The following KDM2A variants were observed in gnomAD, a reference collection of about 807,000 sequenced individuals.
KDM2A encodes the protein lysine-specific demethylase 2A.
Under a neutral mutation model 137.3 loss-of-function variants are expected in KDM2A, and 3 were observed. That is an observed-to-expected ratio of 0.02 (90% CI 0.01 to 0.06). KDM2A has a LOEUF of 0.06. Ranked by LOEUF, KDM2A falls within the 10% of genes least tolerant of loss-of-function variation. KDM2A has a pLI of 1.00. For missense variants in KDM2A, 738 were observed against 1,510.6 expected (o/e 0.49, Z 8.48); for synonymous variants, 512 against 541.5 (o/e 0.95, Z 0.76).
chr11:67,194,737 A>C (rs760584350), intron 5 of KDM2A, among the ~76,000 whole-genome samples: 9 of 152,344 alleles, frequency 5.9e-5, no homozygotes, highest in Admixed American at 2.6e-4. Context: ...GGATAGATCC[A>C]CAACCTGCTC....
At chr11:67,246,573 T>TA (rs771761236) in intron 15 of KDM2A, among the ~76,000 whole-genome samples, 208 of 146,732 alleles carry the variant, frequency 1.4e-3, no homozygotes, top group Middle Eastern at 3.4e-3. Context: ...TAAATAGCTT[T>TA]AAAAAAAAAA....
chr11:67,156,643 C>A (rs565785452), intron 2 of KDM2A, among the ~76,000 whole-genome samples: 8 of 150,802 alleles, frequency 5.3e-5, no homozygotes, highest in African/African-American at 1.7e-4. Flanking sequence ...GGCGTGAACC[C>A]GGGAGGCTGA....
intron 16 of KDM2A, 46 bp downstream of exon 16, chr11:67,248,416 C>A (rs770883219): frequency 7.6e-6 from 10 of 1,321,494 alleles, no homozygotes; most frequent in Non-Finnish European, 1.1e-5. Flanking sequence ...AAGGAGGCAT[C>A]AAATGTGGGG....
chr11:67,250,658 C>G lies in KDM2A; in HGVS notation c.2628C>G (p.Ala876=), dbSNP rs752658983. 6 of 1,607,802 alleles carry G rather than the reference C, an allele frequency of 3.7e-6. No homozygotes were observed. The East Asian group carries it at 1.3e-4, about 36-fold the overall frequency. The part of the protein sequence containing the change: ...EDDSAEEGGA[A]RLNGRGSWAQ... ...ACAGTGCAGAGGAGGGGGGTGCAGC[C>G]AGGCTGAATGGCCGGGGCAGTTGGG... Residue 876 remains alanine, a synonymous_variant, in exon 17 of 21, where the codon GCC becomes GCG. Transcript: ENST00000529006. The surrounding 1 kb of genome is among the most constrained non-coding windows in gnomAD (Gnocchi z 7.1).
At chr11:67,202,492 G>T (rs896529102) in intron 5 of KDM2A, among the ~76,000 whole-genome samples, 2 of 152,172 alleles carry the variant, frequency 1.3e-5, no homozygotes, top group African/African-American at 4.8e-5. Context: ...AGAAATGTCA[G>T]CTGGGCATGG....
At chr11:67,223,696 C>T (rs1002541503) in intron 10 of KDM2A, among the ~76,000 whole-genome samples, 1 of 152,172 alleles carries the variant, frequency 6.6e-6, no homozygotes, top group Non-Finnish European at 1.5e-5. Context: ...GGGCATGAGC[C>T]ACTATGCCCA....
chr11:67,187,269 C>G (rs1423555507), intron 5 of KDM2A, among the ~76,000 whole-genome samples: 2 of 152,002 alleles, frequency 1.3e-5, no homozygotes, highest in Admixed American at 1.3e-4. Flanking sequence ...ATATAGAAGT[C>G]AAATACCAAA....
intron 2 of KDM2A, among the ~76,000 whole-genome samples, chr11:67,162,004 A>G (rs559763788): frequency 6.6e-6 from 1 of 152,284 alleles, no homozygotes; most frequent in African/African-American, 2.4e-5. Context: ...CTTTGGTTAT[A>G]TCTGCCTAAT....
At chr11:67,201,234 G>GTA (rs1555090555) in intron 5 of KDM2A, among the ~76,000 whole-genome samples, 1 of 145,566 alleles carries the variant, frequency 6.9e-6, no homozygotes, top group Admixed American at 6.8e-5. Flanking sequence ...GTGTGTGTGT[G>GTA]TATATATATA....
chr11:67,231,794 T>C lies in KDM2A; in HGVS notation c.1313T>C (p.Val438Ala), dbSNP rs376205118. ...AGCCGGGGCTCCCACAATGGACAAG[T>C]GTGGGATCCCCAGTGTGCTCCCCGA... ...DCSRGSHNGQ[V>A]WDPQCAPRKD... is the part of the protein sequence containing the mutation. Residue 438 changes from valine to alanine, a missense_variant, in exon 12 of 21, where the codon GTG becomes GCG. Coordinates refer to ENST00000529006, the MANE Select transcript of KDM2A (RefSeq NM_012308.3). The C allele has an allele frequency of 9.3e-6, 15 of 1,613,930 alleles. 1 individual carries two copies. Among genetic ancestry groups the C allele is most frequent in the Non-Finnish European group, 1.2e-5 (14 of 1,179,904 alleles).
At chr11:67,210,631 G>T (rs1249282890) in intron 6 of KDM2A, among the ~76,000 whole-genome samples, 2 of 152,130 alleles carry the variant, frequency 1.3e-5, no homozygotes, top group Non-Finnish European at 2.9e-5. Flanking sequence ...GAGAGCAGAG[G>T]CCACAATACT....
At chr11:67,170,516 C>T (rs761048983) in intron 2 of KDM2A, among the ~76,000 whole-genome samples, 1 of 150,654 alleles carries the variant, frequency 6.6e-6, no homozygotes, top group Non-Finnish European at 1.5e-5. Context: ...GGGTTCGCAC[C>T]ATTCTCCTGC....
At chr11:67,218,889 G>A (rs745672317) in intron 9 of KDM2A, among the ~76,000 whole-genome samples, 2 of 152,334 alleles carry the variant, frequency 1.3e-5, no homozygotes, top group South Asian at 4.1e-4. Context: ...GATTATAGGC[G>A]TGAGCCCCCG....
In KDM2A at chr11:67,250,632, G is replaced by A. The variant is rs773745622; in HGVS notation, c.2602G>A (p.Asp868Asn). ...EEEEEEEEEDDSAEEGGAARL... is the reference protein window; with the variant it reads ...EEEEEEEEEDNSAEEGGAARL... ...AGAGGAGGAGGAGGAGGAGGAAGAT[G>A]ACAGTGCAGAGGAGGGGGGTGCAGC... The change falls in exon 17 of 21, where the codon GAC (aspartate) becomes AAC (asparagine). Residue 868 changes from aspartate to asparagine, a missense_variant. Asp to Asn is a conservative substitution (Grantham distance 23). Transcript: ENST00000529006. This position sits in a 1 kb window ranked among gnomAD's most constrained non-coding sequence, Gnocchi z 7.1. 1.9e-6 allele frequency: 3 copies of A among 1,612,714 alleles called. No individual in the cohort carries two copies. In the South Asian group the frequency reaches 3.3e-5, roughly 18 times the overall value.
At chr11:67,163,290 A>C (rs1044109158) in intron 2 of KDM2A, among the ~76,000 whole-genome samples, 1 of 152,170 alleles carries the variant, frequency 6.6e-6, no homozygotes, top group Admixed American at 6.6e-5. Context: ...TGGCCACTTC[A>C]TATTAAATCG....
chr11:67,247,726 A>T (rs2136456265), intron 15 of KDM2A, among the ~76,000 whole-genome samples: 1 of 152,290 alleles, frequency 6.6e-6, no homozygotes, highest in East Asian at 1.9e-4. Context: ...TGCCCGGCCA[A>T]CTTTACAATC....
intron 12 of KDM2A, chr11:67,240,345 G>T: frequency 6.5e-7 from 1 of 1,535,390 alleles, no homozygotes; most frequent in Non-Finnish European, 8.7e-7. Context: ...AGCCTCGGCA[G>T]CTCCAGAGCG....
At chr11:67,145,845 T>C (rs1252870626) in intron 2 of KDM2A, among the ~76,000 whole-genome samples, 1 of 151,990 alleles carries the variant, frequency 6.6e-6, no homozygotes, top group African/African-American at 2.4e-5. Context: ...CCTTTCAGGT[T>C]TCAGGTTTCA....
chr11:67,153,767 A>T (rs1856450576), intron 2 of KDM2A, among the ~76,000 whole-genome samples: 1 of 151,610 alleles, frequency 6.6e-6, no homozygotes, highest in Non-Finnish European at 1.5e-5. Flanking sequence ...GTGAGCAATA[A>T]TCACATCACT....
Sources: gnomAD v4.1 joint callset for allele counts (sites outside exome capture counted in the v4.1 genomes callset) on GRCh38, gnomAD v4.1.1 for gene constraint, Gnocchi (gnomAD v3.1) non-coding constraint, MANE v1.5 for transcripts, NCBI Gene and HGNC (gene_info 2026-07-23, HGNC 2026-07-21) for gene names.